The following CACNA2D2 variants were observed in gnomAD, a reference collection of about 807,000 sequenced individuals.
The protein encoded by CACNA2D2 is calcium voltage-gated channel auxiliary subunit alpha2delta 2.
A neutral mutation model predicts 166.4 loss-of-function variants in CACNA2D2; 48 were observed. That is an observed-to-expected ratio of 0.29 (90% CI 0.23 to 0.37). The LOEUF (loss-of-function observed/expected upper bound fraction) is 0.37. CACNA2D2 is among the 10% of genes least tolerant of loss of function. The pLI, the probability that CACNA2D2 is intolerant of heterozygous loss-of-function variation, is 1.00. For synonymous variants in CACNA2D2, 561 were observed against 573.7 expected, an observed-to-expected ratio of 0.98 and a Z score of 0.32; for missense variants, 1,122 against 1,433.0, an observed-to-expected ratio of 0.78 and a Z score of 3.50.
chr3:50,461,170 A>G (rs982321716), intron 2 of CACNA2D2, among the ~76,000 whole-genome samples: 2 of 152,224 alleles, frequency 1.3e-5, no homozygotes, highest in African/African-American at 4.8e-5. Flanking sequence ...GAATTTCTGA[A>G]CACTGGGCAA....
At chr3:50,443,832 G>A (rs1185044789) in intron 2 of CACNA2D2, among the ~76,000 whole-genome samples, 1 of 152,244 alleles carries the variant, frequency 6.6e-6, no homozygotes, top group East Asian at 1.9e-4. Context: ...TGGGCTGGGA[G>A]TGAAGGGCTC....
chr3:50,367,738 G>C lies in CACNA2D2; in HGVS notation c.2235-34C>G. ...AGCAGGGGGGTGGGGTCACAGGCCT[G>C]CCTTCTGCTGGGCAGGTCCAGGGCC... On this transcript the variant is annotated intron_variant, in intron 25 of 37. Coordinates refer to ENST00000424201, the MANE Select transcript of CACNA2D2 (RefSeq NM_006030.4). The surrounding 1 kb of genome is among the most constrained non-coding windows in gnomAD (Gnocchi z 6.5). 1 of 1,612,296 alleles carries C rather than the reference G, an allele frequency of 6.2e-7. No individual in the cohort carries two copies. Among genetic ancestry groups the C allele is most frequent in the Non-Finnish European group, 8.5e-7 (1 of 1,178,866 alleles).
At chr3:50,428,345 G>A (rs1707898656) in intron 3 of CACNA2D2, among the ~76,000 whole-genome samples, 1 of 152,076 alleles carries the variant, frequency 6.6e-6, no homozygotes, top group Non-Finnish European at 1.5e-5. Flanking sequence ...TGGGAGCTGG[G>A]TAGGATGGTC....
At chr3:50,374,846 G>T (rs1200161560) in intron 21 of CACNA2D2, 33 bp from the exon 22 acceptor site, 3 of 1,535,278 alleles carry the variant, frequency 2.0e-6, no homozygotes, top group African/African-American at 2.7e-5. Flanking sequence ...CACGGCTGGG[G>T]GGAGGCGGGC....
At chr3:50,458,094 T>A (rs1377169891) in intron 2 of CACNA2D2, among the ~76,000 whole-genome samples, 1 of 152,184 alleles carries the variant, frequency 6.6e-6, no homozygotes, top group Non-Finnish European at 1.5e-5. Flanking sequence ...AGGTGCTGGG[T>A]CAGGGAGCCA....
chr3:50,420,929 C>G (rs1707529102), intron 3 of CACNA2D2, among the ~76,000 whole-genome samples: 1 of 152,242 alleles, frequency 6.6e-6, no homozygotes, highest in Non-Finnish European at 1.5e-5. Flanking sequence ...CAGCCTGGGC[C>G]TGGGCAGTTC....
At chr3:50,500,559 C>T (rs367924278) in intron 1 of CACNA2D2, among the ~76,000 whole-genome samples, 43 of 152,240 alleles carry the variant, frequency 2.8e-4, no homozygotes, top group African/African-American at 9.9e-4. Flanking sequence ...GCCCCTCAGC[C>T]GGCGGTGGTG....
intron 3 of CACNA2D2, among the ~76,000 whole-genome samples, chr3:50,425,537 A>G (rs1707766350): frequency 1.3e-5 from 2 of 152,004 alleles, no homozygotes; most frequent in Non-Finnish European, 2.9e-5. Context: ...CCTTCCTCAC[A>G]TGCACCTACC....
chr3:50,498,046 C>G (rs1698795413), intron 1 of CACNA2D2, among the ~76,000 whole-genome samples: 1 of 152,206 alleles, frequency 6.6e-6, no homozygotes, highest in African/African-American at 2.4e-5. Context: ...CTGAGGCCCA[C>G]AGCCCAGTCA....
intron 1 of CACNA2D2, among the ~76,000 whole-genome samples, chr3:50,485,123 G>GA (rs1220566247): frequency 2.0e-5 from 3 of 152,234 alleles, no homozygotes; most frequent in Non-Finnish European, 4.4e-5. Flanking sequence ...GAAGCAGGAA[G>GA]AAAGTGCTGA....
At chr3:50,500,167 T>C (rs1282056447) in intron 1 of CACNA2D2, among the ~76,000 whole-genome samples, 2 of 152,214 alleles carry the variant, frequency 1.3e-5, no homozygotes, top group Admixed American at 6.5e-5. Context: ...CTGCTCCCCA[T>C]GTGTCCACTC....
In CACNA2D2 at chr3:50,452,671, A is replaced by T. The variant is rs187199620; in HGVS notation, c.289-18242T>A. Among the ~76,000 whole-genome samples, 261 of 152,348 alleles carry T rather than the reference A, an allele frequency of 1.7e-3. 3 individuals carry two copies. Among genetic ancestry groups the T allele is most frequent in the Non-Finnish European group, 2.9e-3 (197 of 68,016 alleles). On this transcript the variant is annotated intron_variant, in intron 2 of 37. Transcript: ENST00000424201. ...ACTGAGTAAGATTCAAAACAAATTT[A>T]CGGTGAAATGTGAACATGAGAAGCC... is the stretch of plus-strand genomic sequence containing the variant.
intron 1 of CACNA2D2, among the ~76,000 whole-genome samples, chr3:50,485,797 T>G (rs560275687): frequency 1.3e-5 from 2 of 152,200 alleles, no homozygotes; most frequent in Non-Finnish European, 2.9e-5. Flanking sequence ...CAGTTTTCAC[T>G]GTTTGATAAT....
chr3:50,457,066 A>G (rs2282760), intron 2 of CACNA2D2, among the ~76,000 whole-genome samples: 23,891 of 152,222 alleles, frequency 0.16, 2,590 homozygotes, highest in East Asian at 0.41. Context: ...CTTGGCTAAC[A>G]TGGTGAAACC....
chr3:50,408,203 G>T (rs1706815137), intron 3 of CACNA2D2, among the ~76,000 whole-genome samples: 1 of 152,226 alleles, frequency 6.6e-6, no homozygotes, highest in Non-Finnish European at 1.5e-5. Flanking sequence ...TCCATGCCAG[G>T]GATGGGCTCT....
intron 1 of CACNA2D2, among the ~76,000 whole-genome samples, chr3:50,499,145 G>A (rs56334211): frequency 6.6e-6 from 1 of 152,214 alleles, no homozygotes; most frequent in Non-Finnish European, 1.5e-5. Context: ...ATCTGATGTG[G>A]GTGGGCACAG....
Position 50,365,164 on chromosome 3 carries a change from A to T in CACNA2D2, c.3119T>A (p.Leu1040Gln). 6.2e-7 allele frequency: 1 copy of T among 1,612,154 alleles called. No individual in the cohort carries two copies. The highest frequency in any genetic ancestry group is 8.5e-7 in the Non-Finnish European group (1 of 1,179,704). ...NCSRLFHAQR[L>Q]TNTNLLFVVA... ...CACAAAGAGAAGATTGGTGTTGGTC[A>T]GTCTCTGCGCGTGGAACAGCCTGCG... The change falls in exon 36 of 38, where the codon CTG (leucine) becomes CAG (glutamine). Residue 1040 changes from leucine to glutamine, a missense_variant. Leu to Gln is a moderately radical substitution (Grantham distance 113). Transcript: ENST00000424201. This position sits in a 1 kb window ranked among gnomAD's most constrained non-coding sequence, Gnocchi z 4.5.
At chr3:50,417,160 C>G (rs1288994455) in intron 3 of CACNA2D2, among the ~76,000 whole-genome samples, 2 of 152,126 alleles carry the variant, frequency 1.3e-5, no homozygotes, top group Non-Finnish European at 2.9e-5. Flanking sequence ...TCTCCCTTCT[C>G]CTCCCACCCC....
intron 3 of CACNA2D2, among the ~76,000 whole-genome samples, chr3:50,422,569 G>C (rs571090289): frequency 1.3e-5 from 2 of 152,296 alleles, no homozygotes; most frequent in Admixed American, 1.3e-4. Flanking sequence ...AAAAATGTGA[G>C]ACCCCTTCTT....
Sources: allele counts gnomAD v4.1 joint callset (sites outside exome capture counted in the v4.1 genomes callset), GRCh38; gene constraint gnomAD v4.1.1; non-coding constraint Gnocchi (gnomAD v3.1); transcripts MANE v1.5; gene names NCBI Gene and HGNC (gene_info 2026-07-23, HGNC 2026-07-21).